The following RAB20 variants were observed in gnomAD, a reference collection of about 807,000 sequenced individuals.
RAB20 encodes the protein ras-related protein Rab-20.
Under a neutral mutation model 3.7 loss-of-function variants are expected in RAB20, and 2 were observed. That is an observed-to-expected ratio of 0.54 (90% confidence interval 0.22 to 1.69). RAB20 has a LOEUF of 1.69. Among genes scored for constraint, RAB20 ranks in the 40% most tolerant of loss-of-function variants. The probability of loss-of-function intolerance (pLI) is 0.19; values close to 1 mark genes in which losing one functional copy is unlikely to be tolerated. For missense variants in RAB20, 276 were observed against 311.9 expected, an observed-to-expected ratio of 0.88 and a Z score of 0.87; for synonymous variants, 126 against 130.8, an observed-to-expected ratio of 0.96 and a Z score of 0.25.
intron 1 of RAB20, among the ~76,000 whole-genome samples, chr13:110,539,544 T>C (rs1267459593): frequency 2.8e-5 from 2 of 70,638 alleles, no homozygotes; most frequent in African/African-American, 9.0e-5. Context: ...TTGTTTTTTG[T>C]TTTTGTTTTT....
chr13:110,526,690 G>A (rs1884435947), intron 1 of RAB20, among the ~76,000 whole-genome samples: 1 of 152,144 alleles, frequency 6.6e-6, no homozygotes, highest in African/African-American at 2.4e-5. Flanking sequence ...AATATTGGCA[G>A]CAAACTGCAG....
At chr13:110,524,488 A>C (rs1298212836) in intron 1 of RAB20, among the ~76,000 whole-genome samples, 1 of 152,140 alleles carries the variant, frequency 6.6e-6, no homozygotes, top group Non-Finnish European at 1.5e-5. Flanking sequence ...CCCTGCCTTC[A>C]AGCACCAACT....
At position 110,561,672 on chromosome 13, in the gene RAB20, C is replaced by G; in HGVS notation, c.-153G>C. 3.8e-6 allele frequency: 5 copies of G among 1,315,554 alleles called. No individual in the cohort carries two copies. The highest frequency in any genetic ancestry group is 4.9e-6 in the Non-Finnish European group (5 of 1,013,320). 81.5% of individuals were successfully genotyped at this position (1,315,554 alleles called of 1,614,324 possible). On this transcript the variant is annotated 5_prime_UTR_variant, in exon 1 of 2. Coordinates refer to ENST00000267328, the MANE Select transcript of RAB20 (RefSeq NM_017817.3). The stretch of plus-strand genomic sequence containing the variant: ...ACCTTCGCCTCCGGACGCCCGGGAG[C>G]TCAAGAGAGGAAGCGCGTGTGCGCG...
chr13:110,529,039 T>A (rs1032949350), intron 1 of RAB20, among the ~76,000 whole-genome samples: 1 of 152,266 alleles, frequency 6.6e-6, no homozygotes, highest in East Asian at 1.9e-4. Context: ...AATGAGCGCA[T>A]TGTCCACACC....
chr13:110,542,690 T>C (rs1436786031), intron 1 of RAB20, among the ~76,000 whole-genome samples: 1 of 152,194 alleles, frequency 6.6e-6, no homozygotes, highest in African/African-American at 2.4e-5. Flanking sequence ...ACGGTGTATA[T>C]TTACCACATT....
chr13:110,531,891 G>A (rs1884547284), intron 1 of RAB20, among the ~76,000 whole-genome samples: 1 of 152,218 alleles, frequency 6.6e-6, no homozygotes, highest in Non-Finnish European at 1.5e-5. Flanking sequence ...TCAGGCAGAA[G>A]GGGAAGGGAA....
At chr13:110,545,959 G>A (rs1467160516) in intron 1 of RAB20, among the ~76,000 whole-genome samples, 1 of 152,134 alleles carries the variant, frequency 6.6e-6, no homozygotes, top group Non-Finnish European at 1.5e-5. Context: ...CGTGGATCCT[G>A]TAGTCTTCAC....
intron 1 of RAB20, among the ~76,000 whole-genome samples, chr13:110,527,886 C>T (rs1054876237): frequency 6.9e-6 from 1 of 145,602 alleles, no homozygotes. Context: ...TAGCAAGGCT[C>T]CTATCTCTAC....
chr13:110,537,787 C>CG, intron 1 of RAB20, among the ~76,000 whole-genome samples: 1 of 152,188 alleles, frequency 6.6e-6, no homozygotes, highest in South Asian at 2.1e-4. Flanking sequence ...CAGGACCCTG[C>CG]GGGGCTCAGT....
At chr13:110,546,028 C>T (rs1884844115) in intron 1 of RAB20, among the ~76,000 whole-genome samples, 1 of 152,140 alleles carries the variant, frequency 6.6e-6, no homozygotes, top group African/African-American at 2.4e-5. Context: ...CCAACCAGAG[C>T]CATTCCAATC....
Position 110,526,561 on chromosome 13 carries a change from C to G in RAB20, c.173-2364G>C, listed in dbSNP as rs547289955. On this transcript the variant is annotated intron_variant, in intron 1 of 1. Coordinates refer to ENST00000267328, the MANE Select transcript of RAB20 (RefSeq NM_017817.3). ...GGACAGTGTCGACCACTAGCAAGGG[C>G]TCTTAACCACTGGGGTCATAAACCA... 2.6e-4 allele frequency among the ~76,000 whole-genome samples: 40 copies of G among 152,318 alleles called. No homozygotes were observed. The South Asian group carries it at 8.1e-3, about 31-fold the overall frequency.
intron 1 of RAB20, among the ~76,000 whole-genome samples, chr13:110,549,474 A>G (rs71440070): frequency 8.9e-6 from 1 of 112,226 alleles, no homozygotes; most frequent in African/African-American, 6.2e-5. Context: ...GTTACAATCT[A>G]TTGTTATAAT....
At chr13:110,539,560 TTTTG>T (rs1358316362) in intron 1 of RAB20, among the ~76,000 whole-genome samples, 2 of 139,598 alleles carry the variant, frequency 1.4e-5, no homozygotes, top group Non-Finnish European at 3.2e-5. Flanking sequence ...TTTTTGGGTT[TTTTG>T]TTTTTTTTTT....
rs146478990 is a variant in RAB20 at position 110,523,935 on chromosome 13, T to G, written c.435A>C (p.Ala145=). The G allele has an allele frequency of 2.8e-5, 46 of 1,614,186 alleles. No homozygotes were observed. In the African/African-American group the frequency reaches 3.7e-4, roughly 13 times the overall value. The change falls in exon 2 of 2, where the codon GCA becomes GCC. Residue 145 remains alanine (A), a synonymous_variant. Transcript: ENST00000267328. The part of the protein sequence containing the change: ...MDAGDRVSPR[A]PKQVQLEDAV... Reference sequence around the variant, plus strand: ...CATCCTCCAGCTGCACCTGCTTAGGTGCCCTTGGGGAGACACGGTCCCCAG... The same window carrying G: ...CATCCTCCAGCTGCACCTGCTTAGGGGCCCTTGGGGAGACACGGTCCCCAG...
intron 1 of RAB20, among the ~76,000 whole-genome samples, chr13:110,541,002 C>G (rs969026453): frequency 6.6e-6 from 1 of 152,204 alleles, no homozygotes; most frequent in Non-Finnish European, 1.5e-5. Context: ...AGTACAGAAT[C>G]TGGCTCAGGA....
At position 110,527,944 on chromosome 13, in the gene RAB20, T is replaced by TACACAC. The variant is rs1566583164; in HGVS notation, c.173-3748_173-3747insGTGTGT. On this transcript the variant is annotated intron_variant, in intron 1 of 1. Transcript: ENST00000267328. ...ACACACACACACACACACACACACATACACTTTAATTAGCCAGGCATGGTG... is the reference window on the plus strand; with the variant it reads ...ACACACACACACACACACACACACATACACACACACTTTAATTAGCCAGGCATGGTG... Among the ~76,000 whole-genome samples, 4 of 106,094 alleles carry TACACAC rather than the reference T, an allele frequency of 3.8e-5. No homozygotes were observed. The East Asian group carries it at 1.1e-3, about 30-fold the overall frequency. The allele number at this position is 106,094 out of a possible 152,430, so 69.6% of individuals were successfully genotyped here.
Position 110,555,190 on chromosome 13 carries a change from G to A in RAB20, c.172+6158C>T, listed in dbSNP as rs911609292. On this transcript the variant is annotated intron_variant, in intron 1 of 1. Coordinates refer to ENST00000267328, the MANE Select transcript of RAB20 (RefSeq NM_017817.3). This position sits in a 1 kb window ranked among gnomAD's most constrained non-coding sequence, Gnocchi z 4.0. Reference sequence around the variant, plus strand: ...CAATTACTGTAAGTGTTGGAAGCACGAGTTTCGGAGGCAGCCCGTCCTGTT... The same window carrying A: ...CAATTACTGTAAGTGTTGGAAGCACAAGTTTCGGAGGCAGCCCGTCCTGTT... Among the ~76,000 whole-genome samples, 1 of 152,178 alleles carries A rather than the reference G, an allele frequency of 6.6e-6. No homozygotes were observed.
At chr13:110,534,706 T>C (rs922536891) in intron 1 of RAB20, among the ~76,000 whole-genome samples, 1 of 152,120 alleles carries the variant, frequency 6.6e-6, no homozygotes, top group Non-Finnish European at 1.5e-5. Flanking sequence ...TTCAAAAGAG[T>C]GTGAACTCCA....
intron 1 of RAB20, among the ~76,000 whole-genome samples, chr13:110,547,989 A>G (rs1207882239): frequency 6.6e-6 from 1 of 152,232 alleles, no homozygotes; most frequent in African/African-American, 2.4e-5. Flanking sequence ...CATAGCAGGT[A>G]TTCTATAACT....
Sources: gnomAD v4.1 joint callset for allele counts (sites outside exome capture counted in the v4.1 genomes callset) on GRCh38, gnomAD v4.1.1 for gene constraint, Gnocchi (gnomAD v3.1) non-coding constraint, MANE v1.5 for transcripts, NCBI Gene and HGNC (gene_info 2026-07-23, HGNC 2026-07-21) for gene names.